LRRK1: variants seen among roughly 807,000 people sequenced by gnomAD.
The protein encoded by LRRK1 is leucine-rich repeat serine/threonine-protein kinase 1.
A neutral mutation model predicts 209.1 loss-of-function variants in LRRK1; 113 were observed. The observed-to-expected ratio is 0.54, with a 90% CI of 0.46 to 0.63. LRRK1 has a LOEUF of 0.63. Among genes scored for constraint, LRRK1 ranks in the 30% least tolerant of loss-of-function variants. The pLI, the probability that LRRK1 is intolerant of heterozygous loss-of-function variation, is 0.00. For synonymous variants in LRRK1, 1,144 were observed against 1,099.7 expected, an observed-to-expected ratio of 1.04 and a Z score of -0.80; for missense variants, 2,284 against 2,632.2, an observed-to-expected ratio of 0.87 and a Z score of 2.89.
At chr15:101,066,433 CAAGG>C (rs1249606591) in intron 32 of LRRK1, among the ~76,000 whole-genome samples, 1 of 152,254 alleles carries the variant, frequency 6.6e-6, no homozygotes. Context: ...AGGTGCCACA[CAAGG>C]AAAGCCACAG....
In LRRK1 at chr15:101,071,312, C is replaced by G. The variant is rs937547710; in HGVS notation, c.*2464C>G. 7.2e-5 allele frequency: 11 copies of G among 151,788 alleles called. No homozygotes were observed. The highest frequency in any genetic ancestry group is 2.4e-4 in the African/African-American group (10 of 41,002). The allele number at this position is 151,788 out of a possible 1,614,324, so 9.4% of individuals were successfully genotyped here. ...GCAGAGGGTGGTAACCAGCCAGCATCTCCTTCTTAAACACCTACTAAGTGT... is the reference window on the plus strand; with the variant it reads ...GCAGAGGGTGGTAACCAGCCAGCATGTCCTTCTTAAACACCTACTAAGTGT... On this transcript the variant is annotated 3_prime_UTR_variant, in exon 34 of 34. Coordinates refer to ENST00000388948, the MANE Select transcript of LRRK1 (RefSeq NM_024652.6).
intron 2 of LRRK1, among the ~76,000 whole-genome samples, chr15:100,970,211 T>A (rs950496619): frequency 1.3e-5 from 2 of 152,162 alleles, no homozygotes; most frequent in Non-Finnish European, 2.9e-5. Context: ...CACCACATTT[T>A]CTTTATCCGG....
chr15:101,035,532 G>A (rs1012672008), intron 20 of LRRK1, among the ~76,000 whole-genome samples: 2 of 152,080 alleles, frequency 1.3e-5, no homozygotes, highest in African/African-American at 4.8e-5. Context: ...TTCAGTCTAT[G>A]TGTGTCTTTA....
chr15:101,063,680 A>T (rs1030554088), intron 31 of LRRK1, among the ~76,000 whole-genome samples: 1 of 152,208 alleles, frequency 6.6e-6, no homozygotes, highest in African/African-American at 2.4e-5. Context: ...CAAAACAGGT[A>T]TAAGAAGAGA....
At chr15:101,019,609 A>G (rs969236838) in intron 12 of LRRK1, among the ~76,000 whole-genome samples, 1 of 152,158 alleles carries the variant, frequency 6.6e-6, no homozygotes, top group African/African-American at 2.4e-5. Context: ...TTGCAGCTAC[A>G]TGTGTGGAGG....
chr15:101,054,251 G>A (rs948909575), intron 26 of LRRK1, among the ~76,000 whole-genome samples: 6 of 152,180 alleles, frequency 3.9e-5, no homozygotes, highest in Admixed American at 1.3e-4. Flanking sequence ...TGGAATCACC[G>A]GCATGAGCCA....
In LRRK1 at chr15:101,053,351, C is replaced by A; in HGVS notation, c.3985C>A (p.Pro1329Thr). The change falls in exon 26 of 34, where the codon CCG (proline) becomes ACG (threonine). Residue 1329 changes from proline to threonine, a missense_variant. Pro to Thr is a conservative substitution (Grantham distance 38, BLOSUM62 -1). Around this residue, in one of 6 missense-constraint regions of LRRK1, gnomAD observed 780 missense variants for 985.2 expected, o/e 0.79. Transcript: ENST00000388948. ...GGCGCTCATCGGCATCAGCATCCAC[C>A]CGCTCTGCTTCGCCCTGGAGCTCGC... ...IVALIGISIH[P>T]LCFALELAPL... The A allele has an allele frequency of 6.2e-7, 1 of 1,603,074 alleles. No homozygotes were observed. Among genetic ancestry groups the A allele is most frequent in the South Asian group, 1.1e-5 (1 of 91,080 alleles).
intron 2 of LRRK1, among the ~76,000 whole-genome samples, chr15:100,933,170 C>A (rs1304821844): frequency 6.6e-6 from 1 of 152,234 alleles, no homozygotes; most frequent in Non-Finnish European, 1.5e-5. Context: ...TTGGAATCCT[C>A]TGCCTTTGGA....
At chr15:101,021,360 G>T (rs754138647) in intron 13 of LRRK1, among the ~76,000 whole-genome samples, 178 bp downstream of exon 13, 1 of 152,130 alleles carries the variant, frequency 6.6e-6, no homozygotes, top group Non-Finnish European at 1.5e-5. Context: ...AGAGGAAGAC[G>T]GAGTAGCAAT....
chr15:100,981,662 A>T (rs117831316), intron 3 of LRRK1, among the ~76,000 whole-genome samples: 1,911 of 152,274 alleles, frequency 0.013, 21 homozygotes, highest in Non-Finnish European at 0.019. Context: ...GCTGATGATA[A>T]ACTCCCTAAC....
intron 4 of LRRK1, among the ~76,000 whole-genome samples, chr15:100,986,760 G>A (rs2031896905): frequency 6.6e-6 from 1 of 152,172 alleles, no homozygotes; most frequent in Non-Finnish European, 1.5e-5. Flanking sequence ...GTCAACATAA[G>A]TAAACAAGCC....
At chr15:100,986,948 A>C (rs1246581701) in intron 4 of LRRK1, among the ~76,000 whole-genome samples, 1 of 152,184 alleles carries the variant, frequency 6.6e-6, no homozygotes, top group Non-Finnish European at 1.5e-5. Flanking sequence ...TCCTCATCTT[A>C]AAATCATGGT....
chr15:101,026,409 A>T (rs2034035446), intron 17 of LRRK1, among the ~76,000 whole-genome samples: 1 of 152,222 alleles, frequency 6.6e-6, no homozygotes, highest in Non-Finnish European at 1.5e-5. Flanking sequence ...GTGCCTATTG[A>T]ACCAGGAGAC....
In LRRK1 at chr15:100,959,070, G is replaced by A. The variant is rs181531861; in HGVS notation, c.98-14734G>A. ...AGACCTTAGGGAAGGGTTGGAGGGG[G>A]ATGTGTGGCTGAGTGGCCAAAAGAA... On this transcript the variant is annotated intron_variant, in intron 2 of 33. Transcript: ENST00000388948. Among the ~76,000 whole-genome samples, 7 of 152,300 alleles carry A rather than the reference G, an allele frequency of 4.6e-5. No individual in the cohort carries two copies. In the East Asian group the frequency reaches 1.3e-3, roughly 29 times the overall value.
chr15:100,972,774 G>T (rs908474076), intron 2 of LRRK1, among the ~76,000 whole-genome samples: 1 of 152,068 alleles, frequency 6.6e-6, no homozygotes, highest in South Asian at 2.1e-4. Flanking sequence ...CCCTATTTCT[G>T]CTATCACTCC....
chr15:100,928,423 C>G (rs1261588292), intron 2 of LRRK1, among the ~76,000 whole-genome samples: 2 of 152,180 alleles, frequency 1.3e-5, no homozygotes, highest in East Asian at 3.9e-4. Flanking sequence ...CCTGTTTCCC[C>G]TCTCCCACCC....
chr15:100,978,594 A>G (rs1201981667), intron 3 of LRRK1, among the ~76,000 whole-genome samples: 1 of 152,254 alleles, frequency 6.6e-6, no homozygotes, highest in Non-Finnish European at 1.5e-5. Flanking sequence ...TCCTGCAGAT[A>G]TCAAAAAGAT....
At chr15:101,058,954 G>A (rs558481982) in intron 29 of LRRK1, among the ~76,000 whole-genome samples, 5 of 152,280 alleles carry the variant, frequency 3.3e-5, no homozygotes, top group African/African-American at 1.2e-4. Flanking sequence ...GGTAGAGTGA[G>A]GAATGAGCTT....
chr15:101,041,488 T>G (rs1449119235), intron 20 of LRRK1, among the ~76,000 whole-genome samples: 1 of 152,250 alleles, frequency 6.6e-6, no homozygotes, highest in Non-Finnish European at 1.5e-5. Flanking sequence ...TTTAGTATTT[T>G]CATGCTCTCT....
Sources: gnomAD v4.1 joint callset for allele counts (sites outside exome capture counted in the v4.1 genomes callset) on GRCh38, gnomAD v4.1.1 for gene constraint, gnomAD v4.1.1 regional missense constraint, MANE v1.5 for transcripts, NCBI Gene and HGNC (gene_info 2026-07-23, HGNC 2026-07-21) for gene names.